The following ZNF335 variants were observed in gnomAD, a reference collection of about 807,000 sequenced individuals.
ZNF335 encodes the protein NRC-interacting factor 1.
A neutral mutation model predicts 145.6 loss-of-function variants in ZNF335; 84 were observed. The ratio of observed to expected loss-of-function variants is 0.58; its 90% CI spans 0.48 to 0.69. The LOEUF is 0.69. Ranked by LOEUF, ZNF335 falls within the 30% of genes least tolerant of loss-of-function variation. The probability of loss-of-function intolerance (pLI) is 0.00; values close to 1 mark genes in which losing one functional copy is unlikely to be tolerated. For synonymous variants in ZNF335, 761 were observed against 717.0 expected, an observed-to-expected ratio of 1.06 and a Z score of -0.98; for missense variants, 1,865 against 1,809.7, an observed-to-expected ratio of 1.03 and a Z score of -0.55.
intron 22 of ZNF335, 40 bp downstream of exon 22, chr20:45,950,179 C>T (rs1188787111): frequency 1.9e-6 from 3 of 1,571,056 alleles, no homozygotes; most frequent in Non-Finnish European, 1.7e-6. Flanking sequence ...GTCTCTGGAT[C>T]TACCCTGTTG....
intron 7 of ZNF335, 150 bp from the exon 8 acceptor site, chr20:45,964,140 G>C: frequency 1.0e-6 from 1 of 959,848 alleles, no homozygotes; most frequent in Non-Finnish European, 1.5e-6. Context: ...GACAGCCTGT[G>C]GTTAGAGGGC....
Position 45,949,332 on chromosome 20 carries a change from C to T in ZNF335, c.3819+1G>A. The T allele has an allele frequency of 6.2e-7, 1 of 1,614,146 alleles. No homozygotes were observed. Among genetic ancestry groups the T allele is most frequent in the Non-Finnish European group, 8.5e-7 (1 of 1,180,034 alleles). Reference sequence around the variant, plus strand: ...GTCTCCCTGTCCCCCCACGGCCCTACCTGGGACTCCTGAAGGAACGGGGCT... The same window carrying T: ...GTCTCCCTGTCCCCCCACGGCCCTATCTGGGACTCCTGAAGGAACGGGGCT... On this transcript the variant is annotated splice_donor_variant, in intron 26 of 27. Coordinates refer to ENST00000322927, the MANE Select transcript of ZNF335 (RefSeq NM_022095.4). LOFTEE classifies it high-confidence loss of function.
rs748356553 is a variant in ZNF335, at chr20:45,968,249, T to G, written c.520+36A>C. On this transcript the variant is annotated intron_variant, in intron 4 of 27. Transcript: ENST00000322927. ...TGTCCTCACCTATCCCCCTGCCCACTGCAGGCCTCCCCGATTCTGGCACCT... is the reference window on the plus strand; with the variant it reads ...TGTCCTCACCTATCCCCCTGCCCACGGCAGGCCTCCCCGATTCTGGCACCT... 7.5e-6 allele frequency: 12 copies of G among 1,603,338 alleles called. No individual in the cohort carries two copies. The South Asian group carries it at 1.2e-4, about 16-fold the overall frequency.
chr20:45,952,814 C>G lies in ZNF335; in HGVS notation c.2703-105G>C, dbSNP rs6124760. ...GAGTGACTGTCACCACAGATGGACT[C>G]AAGTCAGAAGGGCCCAGGGTTCAAC... On this transcript the variant is annotated intron_variant, in intron 18 of 27. Transcript: ENST00000322927. 0.022 allele frequency: 22,300 copies of G among 1,016,834 alleles called. 698 individuals are homozygous for G. The highest frequency in any genetic ancestry group is 0.12 in the African/African-American group (7,342 of 62,668). 63.0% of individuals were successfully genotyped at this position (1,016,834 alleles called of 1,614,324 possible). A position where few individuals can be genotyped will look rare whatever the true frequency, so the allele number is the denominator to read the frequency against.
In ZNF335 at chr20:45,952,088, T is replaced by C. The variant is rs1433688913; in HGVS notation, c.3189+59A>G. Reference sequence around the variant, plus strand: ...TGAAAGGGCACTCATTAAAGGTTTGTTATACAAACGAGTAGCCCAATGAAT... The same window carrying C: ...TGAAAGGGCACTCATTAAAGGTTTGCTATACAAACGAGTAGCCCAATGAAT... On this transcript the variant is annotated intron_variant, in intron 20 of 27. Coordinates refer to ENST00000322927, the MANE Select transcript of ZNF335 (RefSeq NM_022095.4). 6 of 1,529,842 alleles carry C rather than the reference T, an allele frequency of 3.9e-6. 1 individual carries two copies. In the Admixed American group the frequency reaches 1.0e-4, roughly 26 times the overall value. The allele number at this position is 1,529,842 out of a possible 1,614,324, so 94.8% of individuals were successfully genotyped here.
chr20:45,952,126 A>T, intron 20 of ZNF335, 21 bp downstream of exon 20: 1 of 1,568,638 alleles, frequency 6.4e-7, no homozygotes, highest in Non-Finnish European at 8.6e-7. Context: ...CAGCAGAGAC[A>T]CAGGAGCAAC....
At position 45,963,536 on chromosome 20, in the gene ZNF335, G is replaced by A. The variant is rs781026382; in HGVS notation, c.1470C>T (p.Gly490=). Residue 490 remains glycine, a synonymous_variant, in exon 9 of 28, where the codon GGC becomes GGT. Coordinates refer to ENST00000322927, the MANE Select transcript of ZNF335 (RefSeq NM_022095.4). ...LRFHVNSHEA[G]DPQLFKCLQC... is the part of the protein sequence containing the mutation. ...GCAGGCACTTGAAGAGCTGGGGATC[G>A]CCAGCCTCATGGGAGTTGACGTGGA... 3 of 1,614,198 alleles carry A rather than the reference G, an allele frequency of 1.9e-6. No individual in the cohort carries two copies. The highest frequency in any genetic ancestry group is 2.2e-5 in the South Asian group (2 of 91,084).
At chr20:45,966,234 A>G (rs973393842) in intron 6 of ZNF335, among the ~76,000 whole-genome samples, 2 of 151,914 alleles carry the variant, frequency 1.3e-5, no homozygotes, top group African/African-American at 4.8e-5. Context: ...AAACTCACCA[A>G]TAATTTTTTT....
Position 45,953,843 on chromosome 20 carries a change from C to T in ZNF335, c.2548G>A (p.Glu850Lys). ...TPQVVTLHVAEPGGGAAAESQ... is the reference protein window; with the variant it reads ...TPQVVTLHVAKPGGGAAAESQ... Reference sequence around the variant, plus strand: ...TCGGCTGCTGCACCGCCCCCTGGCTCTGCCACGTGGAGGGTGACCACCTGT... The same window carrying T: ...TCGGCTGCTGCACCGCCCCCTGGCTTTGCCACGTGGAGGGTGACCACCTGT... Residue 850 changes from glutamate (E) to lysine (K), a missense_variant, in exon 18 of 28, where the codon GAG becomes AAG. Coordinates refer to ENST00000322927, the MANE Select transcript of ZNF335 (RefSeq NM_022095.4). The T allele has an allele frequency of 6.2e-7, 1 of 1,614,048 alleles. No individual in the cohort carries two copies. Among genetic ancestry groups the T allele is most frequent in the Non-Finnish European group, 8.5e-7 (1 of 1,180,038 alleles).
intron 18 of ZNF335, among the ~76,000 whole-genome samples, chr20:45,952,980 G>A (rs1388260952): frequency 6.6e-6 from 1 of 151,920 alleles, no homozygotes; most frequent in Non-Finnish European, 1.5e-5. Flanking sequence ...GTGAGGCAGA[G>A]GGGTCTAACC....
At chr20:45,965,596 C>T in intron 7 of ZNF335, 32 bp downstream of exon 7, 1 of 1,579,800 alleles carries the variant, frequency 6.3e-7, no homozygotes, top group South Asian at 1.1e-5. Context: ...CCTGACCCAC[C>T]CACACGAGCC....
intron 2 of ZNF335, chr20:45,970,315 A>G (rs1294448245): frequency 6.6e-6 from 1 of 152,630 alleles, no homozygotes; most frequent in Non-Finnish European, 1.5e-5. Context: ...AAACCCCAGG[A>G]CCCCAAAGTG....
At chr20:45,955,511 C>T (rs752344984) in intron 17 of ZNF335, among the ~76,000 whole-genome samples, 2 of 151,910 alleles carry the variant, frequency 1.3e-5, no homozygotes, top group African/African-American at 4.8e-5. Flanking sequence ...TTGTAGGAGG[C>T]TTTTTAAAAA....
intron 17 of ZNF335, among the ~76,000 whole-genome samples, chr20:45,956,598 A>G (rs1183543366): frequency 6.6e-6 from 1 of 152,158 alleles, no homozygotes; most frequent in Non-Finnish European, 1.5e-5. Flanking sequence ...TGGCATGGGA[A>G]CAGGAGACAA....
chr20:45,969,505 C>A lies in ZNF335; in HGVS notation c.388G>T (p.Gly130Cys). 1 of 1,576,752 alleles carries A rather than the reference C, an allele frequency of 6.3e-7. No individual in the cohort carries two copies. The highest frequency in any genetic ancestry group is 8.7e-7 in the Non-Finnish European group (1 of 1,151,686). Residue 130 changes from glycine (G) to cysteine (C), a missense_variant, in exon 3 of 28, where the codon GGC (glycine) becomes TGC (cysteine). Coordinates refer to ENST00000322927, the MANE Select transcript of ZNF335 (RefSeq NM_022095.4). Reference sequence around the variant, plus strand: ...TCGATGATCTTGTCGATGGCCGAGCCCAGGTCCGAGGAGGAAGCTGTGCAG... The same window carrying A: ...TCGATGATCTTGTCGATGGCCGAGCACAGGTCCGAGGAGGAAGCTGTGCAG... Reference protein sequence around the residue: ...SDCTASSSDLGSAIDKIIEST... With the variant: ...SDCTASSSDLCSAIDKIIEST...
Position 45,962,809 on chromosome 20 carries a change from TTTTTTGTTTGTTTG to T in ZNF335, c.1534-641_1534-628del, listed in dbSNP as rs1418986531. 9.0e-3 allele frequency among the ~76,000 whole-genome samples: 943 copies of T among 105,208 alleles called. 54 individuals are homozygous for T. Among genetic ancestry groups the T allele is most frequent in the East Asian group, 0.043 (176 of 4,120 alleles). The allele number at this position is 105,208 out of a possible 152,430, so 69.0% of individuals were successfully genotyped here. On this transcript the variant is annotated intron_variant, in intron 9 of 27. Coordinates refer to ENST00000322927, the MANE Select transcript of ZNF335 (RefSeq NM_022095.4). ...AAGGAGAAAAAGGAACCGTTTTTTT[TTTTTTGTTTGTTTG>T]TTTTTTTGAGACAGAGTTTCGCTCT...
At position 45,971,280 on chromosome 20, in the gene ZNF335, G is replaced by C. The variant is rs539815742; in HGVS notation, c.131C>G (p.Ala44Gly). 1.6e-4 allele frequency: 258 copies of C among 1,577,010 alleles called. No individual in the cohort carries two copies. In the African/African-American group the frequency reaches 2.8e-3, roughly 17 times the overall value. ...ATCGGCCTCTGCCTGCCCCGGGGCG[G>C]CCGCGGCGTCGCTGCTGTCGGCGGA... ...AVSADSSDAAAAPGQAEADDS... is the reference protein window; with the variant it reads ...AVSADSSDAAGAPGQAEADDS... The change falls in exon 2 of 28, where the codon GCC becomes GGC. Residue 44 changes from alanine to glycine, a missense_variant. Physicochemically the swap from Ala to Gly is moderately conservative, Grantham distance 60 (BLOSUM62 0). Coordinates refer to ENST00000322927, the MANE Select transcript of ZNF335 (RefSeq NM_022095.4).
In ZNF335 at chr20:45,960,687, A is replaced by G; in HGVS notation, c.1711T>C (p.Tyr571His). 1 of 1,614,102 alleles carries G rather than the reference A, an allele frequency of 6.2e-7. No individual in the cohort carries two copies. Among genetic ancestry groups the G allele is most frequent in the Non-Finnish European group, 8.5e-7 (1 of 1,180,008 alleles). Reference sequence around the variant, plus strand: ...TGCGTGAGTCTTTTCTGCATGGGGTACACACGGCCACACACAGGGCAGGGG... The same window carrying G: ...TGCGTGAGTCTTTTCTGCATGGGGTGCACACGGCCACACACAGGGCAGGGG... ...SFPCPVCGRVYPMQKRLTQHM... is the reference protein window; with the variant it reads ...SFPCPVCGRVHPMQKRLTQHM... Residue 571 changes from tyrosine to histidine, a missense_variant, in exon 12 of 28, where the codon TAC becomes CAC. By Grantham distance (83) the Tyr-to-His change is moderately conservative. Transcript: ENST00000322927.
rs1405445430 is a variant in ZNF335 at position 45,949,026 on chromosome 20, G to A, written c.3956C>T (p.Thr1319Ile). The change falls in exon 28 of 28, where the codon ACA (threonine) becomes ATA (isoleucine). Residue 1319 changes from threonine to isoleucine, a missense_variant. Transcript: ENST00000322927. ...QAQGLFGTDE[T>I]VPEHIQQLQH... is the part of the protein sequence containing the mutation. ...CAGCTGTTGAATGTGTTCGGGCACT[G>A]TCTCGTCTGTACCAAACAGGCCCTG... 1.9e-6 allele frequency: 3 copies of A among 1,613,918 alleles called. No homozygotes were observed. Among genetic ancestry groups the A allele is most frequent in the Middle Eastern group, 1.6e-4 (1 of 6,062 alleles).
Sources: gnomAD v4.1 joint callset for allele counts (sites outside exome capture counted in the v4.1 genomes callset) on GRCh38, gnomAD v4.1.1 for gene constraint, MANE v1.5 for transcripts, NCBI Gene and HGNC (gene_info 2026-07-23, HGNC 2026-07-21) for gene names.